The following SYBU variants were observed in gnomAD, a reference collection of about 807,000 sequenced individuals.
The protein encoded by SYBU is syntabulin, also known as GOLSYN A protein.
In SYBU, 21 loss-of-function variants were observed where a neutral mutation model predicts 35.9. That is an observed-to-expected ratio of 0.58 (90% CI 0.41 to 0.84). The LOEUF (loss-of-function observed/expected upper bound fraction) is 0.84, where lower values mean the gene tolerates loss of function less well. SYBU is among the 40% of genes least tolerant of loss of function. SYBU has a pLI of 0.00. For synonymous variants in SYBU, 319 were observed against 324.3 expected (o/e 0.98, Z 0.18); for missense variants, 768 against 848.2 (o/e 0.91, Z 1.17).
At chr8:109,612,767 G>T (rs539743336) in intron 3 of SYBU, among the ~76,000 whole-genome samples, 3 of 152,236 alleles carry the variant, frequency 2.0e-5, no homozygotes, top group African/African-American at 7.2e-5. Context: ...ATCACCTGAG[G>T]TCTGGAGTTT....
intron 1 of SYBU, among the ~76,000 whole-genome samples, chr8:109,650,751 T>C (rs985622952): frequency 6.6e-6 from 1 of 152,234 alleles, no homozygotes; most frequent in African/African-American, 2.4e-5. Flanking sequence ...CATCTGCCCA[T>C]GTGTCCTTTT....
chr8:109,586,952 A>G (rs932160501), intron 3 of SYBU, among the ~76,000 whole-genome samples: 53 of 152,226 alleles, frequency 3.5e-4, no homozygotes, highest in African/African-American at 1.1e-3. Flanking sequence ...TCATTCTAAC[A>G]AAAATATGTA....
At chr8:109,628,704 C>T (rs899640969) in intron 2 of SYBU, among the ~76,000 whole-genome samples, 3 of 151,836 alleles carry the variant, frequency 2.0e-5, no homozygotes, top group Non-Finnish European at 4.4e-5. Context: ...TGTCTATAGT[C>T]CCGGCTATGC....
At position 109,589,401 on chromosome 8, in the gene SYBU, C is replaced by A. The variant is rs187256313; in HGVS notation, c.428-3239G>T. 1.6e-3 allele frequency among the ~76,000 whole-genome samples: 237 copies of A among 152,324 alleles called. 1 individual carries two copies. Among genetic ancestry groups the A allele is most frequent in the Middle Eastern group, 0.01 (3 of 294 alleles). On this transcript the variant is annotated intron_variant, in intron 3 of 6. Transcript: ENST00000276646. The stretch of plus-strand genomic sequence containing the variant: ...ATCCTCATCAACAGTCTTTGTTCCT[C>A]ATCAATATTGTTTTCGATCAGCTGC...
At chr8:109,599,761 C>T (rs1825307693) in intron 3 of SYBU, among the ~76,000 whole-genome samples, 1 of 152,188 alleles carries the variant, frequency 6.6e-6, no homozygotes, top group Non-Finnish European at 1.5e-5. Flanking sequence ...TGTTGAAACT[C>T]CTCAATGGCA....
In SYBU at chr8:109,575,081, C is replaced by T; in HGVS notation, c.1817G>A (p.Ser606Asn). Residue 606 changes from serine (S) to asparagine (N), a missense_variant, in exon 7 of 7, where the codon AGC (serine) becomes AAC (asparagine). By Grantham distance (46) the Ser-to-Asn change is conservative (BLOSUM62 1). Coordinates refer to ENST00000276646, the MANE Select transcript of SYBU (RefSeq NM_001099754.2). The stretch of plus-strand genomic sequence containing the variant: ...CACAGCCAGGAGATCCACCAGGAAG[C>T]TGCTGCTCCAGTACTGCCTCACGAC... Reference protein sequence around the residue: ...GGVVRQYWSSSFLVDLLAVAA... With the variant: ...GGVVRQYWSSNFLVDLLAVAA... 4 of 1,609,348 alleles carry T rather than the reference C, an allele frequency of 2.5e-6. No homozygotes were observed. The highest frequency in any genetic ancestry group is 2.5e-6 in the Non-Finnish European group (3 of 1,176,974).
intron 4 of SYBU, chr8:109,585,613 G>A (rs1469279400): frequency 6.3e-6 from 1 of 158,336 alleles, no homozygotes; most frequent in East Asian, 1.9e-4. Context: ...TGCTGGGAGT[G>A]GTCAGGGAGT....
At chr8:109,655,196 A>T (rs913056111) in intron 1 of SYBU, among the ~76,000 whole-genome samples, 1 of 151,946 alleles carries the variant, frequency 6.6e-6, no homozygotes, top group Non-Finnish European at 1.5e-5. Context: ...CCAATCTTCA[A>T]CCTCCATCTC....
chr8:109,587,377 T>A (rs575123743), intron 3 of SYBU, among the ~76,000 whole-genome samples: 1 of 152,302 alleles, frequency 6.6e-6, no homozygotes, highest in East Asian at 1.9e-4. Context: ...AATCTCACTA[T>A]TTTACTATTG....
At chr8:109,674,763 G>C (rs1041292010) in intron 1 of SYBU, among the ~76,000 whole-genome samples, 2 of 152,004 alleles carry the variant, frequency 1.3e-5, no homozygotes, top group African/African-American at 4.8e-5. Context: ...GGATATTCAG[G>C]ACTTGAACTC....
chr8:109,606,935 G>T (rs1053990444), intron 3 of SYBU, among the ~76,000 whole-genome samples: 2 of 152,146 alleles, frequency 1.3e-5, no homozygotes, highest in African/African-American at 2.4e-5. Flanking sequence ...GATTAAAGAT[G>T]AATTTCTCTT....
At position 109,586,180 on chromosome 8, in the gene SYBU, A is replaced by G; in HGVS notation, c.428-18T>C. 6.4e-7 allele frequency: 1 copy of G among 1,574,520 alleles called. No individual in the cohort carries two copies. The highest frequency in any genetic ancestry group is 8.7e-7 in the Non-Finnish European group (1 of 1,153,936). On this transcript the variant is annotated intron_variant, in intron 3 of 6. Coordinates refer to ENST00000276646, the MANE Select transcript of SYBU (RefSeq NM_001099754.2). ...TTCACTACCTGAAAAACAACAGGGG[A>G]GAGAGAAGCGTGAGGGAAAGGAAAC...
At chr8:109,669,985 A>G (rs1816917841) in intron 1 of SYBU, among the ~76,000 whole-genome samples, 1 of 152,338 alleles carries the variant, frequency 6.6e-6, no homozygotes, top group East Asian at 1.9e-4. Context: ...AAGGTCAGTA[A>G]TGGTAACAGA....
At chr8:109,634,921 C>G (rs1357317067) in intron 2 of SYBU, among the ~76,000 whole-genome samples, 1 of 151,992 alleles carries the variant, frequency 6.6e-6, no homozygotes, top group Non-Finnish European at 1.5e-5. Context: ...TATTATCTTT[C>G]TCTCCCTCAG....
At chr8:109,633,689 C>A (rs1419105489) in intron 2 of SYBU, among the ~76,000 whole-genome samples, 1 of 152,090 alleles carries the variant, frequency 6.6e-6, no homozygotes, top group Non-Finnish European at 1.5e-5. Context: ...TCAAATCAGA[C>A]TCCTGGGAAA....
chr8:109,666,715 G>A (rs1253789076), intron 1 of SYBU, among the ~76,000 whole-genome samples: 1 of 151,670 alleles, frequency 6.6e-6, no homozygotes, highest in Admixed American at 6.6e-5. Context: ...ACCATTGCAC[G>A]CCAGCCTAGG....
At chr8:109,599,514 C>T (rs761346702) in intron 3 of SYBU, among the ~76,000 whole-genome samples, 8 of 152,192 alleles carry the variant, frequency 5.3e-5, no homozygotes, top group South Asian at 4.1e-4. Context: ...TGATCTTCTA[C>T]GCACAGTAAT....
chr8:109,640,742 A>G (rs1038839279), intron 2 of SYBU, among the ~76,000 whole-genome samples: 1 of 149,856 alleles, frequency 6.7e-6, no homozygotes, highest in African/African-American at 2.5e-5. Flanking sequence ...TTTAAAACAT[A>G]ATATTTTGAT....
intron 2 of SYBU, among the ~76,000 whole-genome samples, chr8:109,638,195 C>G (rs1276114822): frequency 6.6e-6 from 1 of 152,206 alleles, no homozygotes. Flanking sequence ...CCATCTGCCT[C>G]TCAGTTCTAA....
Sources: gnomAD v4.1 joint callset for allele counts (sites outside exome capture counted in the v4.1 genomes callset) on GRCh38, gnomAD v4.1.1 for gene constraint, MANE v1.5 for transcripts, NCBI Gene and HGNC (gene_info 2026-07-23, HGNC 2026-07-21) for gene names.